HIP1: variants seen among roughly 807,000 people sequenced by gnomAD.
HIP1 encodes the protein huntingtin-interacting protein 1.
Under a neutral mutation model 147.6 loss-of-function variants are expected in HIP1, and 65 were observed. The ratio of observed to expected loss-of-function variants is 0.44; its 90% CI spans 0.36 to 0.54. The LOEUF (loss-of-function observed/expected upper bound fraction) is 0.54, where lower values mean the gene tolerates loss of function less well. HIP1 is among the 20% of genes least tolerant of loss of function. The pLI is 0.00. For synonymous variants in HIP1, 479 were observed against 504.0 expected (o/e 0.95, Z 0.67); for missense variants, 1,061 against 1,299.6 (o/e 0.82, Z 2.82).
rs587598008 is a variant in HIP1 at position 75,570,481 on chromosome 7, C to T, written c.746-2225G>A. 3.7e-4 allele frequency among the ~76,000 whole-genome samples: 55 copies of T among 150,180 alleles called. No individual in the cohort carries two copies. The East Asian group carries it at 5.7e-3, about 16-fold the overall frequency. Reference sequence around the variant, plus strand: ...TAATTTTTTGTATTTTTAGTAGAGACAGGGTTTCACCATGTTGGCCAGGAT... The same window carrying T: ...TAATTTTTTGTATTTTTAGTAGAGATAGGGTTTCACCATGTTGGCCAGGAT... On this transcript the variant is annotated intron_variant, in intron 8 of 30. Transcript: ENST00000336926.
At chr7:75,611,402 G>A (rs1489613524) in intron 1 of HIP1, among the ~76,000 whole-genome samples, 2 of 151,152 alleles carry the variant, frequency 1.3e-5, no homozygotes, top group Admixed American at 6.6e-5. Flanking sequence ...GGGAGGCGGA[G>A]GCTGCAGTGA....
chr7:75,545,697 G>C (rs1794534437), intron 25 of HIP1, among the ~76,000 whole-genome samples: 2 of 152,168 alleles, frequency 1.3e-5, no homozygotes, highest in Admixed American at 1.3e-4. Flanking sequence ...TGTAATCCCA[G>C]CACTTTGCGA....
At chr7:75,692,346 A>G (rs1800486418) in intron 1 of HIP1, among the ~76,000 whole-genome samples, 1 of 150,130 alleles carries the variant, frequency 6.7e-6, no homozygotes, top group Non-Finnish European at 1.5e-5. Context: ...GCAGCTTCCA[A>G]CTCCTGGGCT....
At chr7:75,596,018 C>A (rs1554501909) in intron 2 of HIP1, among the ~76,000 whole-genome samples, 1 of 152,098 alleles carries the variant, frequency 6.6e-6, no homozygotes, top group East Asian at 1.9e-4. Flanking sequence ...GGGAGGACTG[C>A]TTGAGCCTAG....
rs1800608806 is a variant in HIP1, at chr7:75,695,561, G to A, written c.120+43240C>T. Among the ~76,000 whole-genome samples the A allele has an allele frequency of 2.5e-5, 3 of 120,918 alleles. No individual in the cohort carries two copies. The South Asian group carries it at 7.8e-4, about 31-fold the overall frequency. The allele number at this position is 120,918 out of a possible 152,430, so 79.3% of individuals were successfully genotyped here. A position where few individuals can be genotyped will look rare whatever the true frequency, so the allele number is the denominator to read the frequency against. On this transcript the variant is annotated intron_variant, in intron 1 of 30. Transcript: ENST00000336926. ...CGATATTCAGAAGGGGTTGTGGAGC[G>A]GTACCAGTTTTTTTTGTTGTTGTCT...
At chr7:75,719,308 T>G (rs112329663) in intron 1 of HIP1, among the ~76,000 whole-genome samples, 18,503 of 151,722 alleles carry the variant, frequency 0.12, 1,300 homozygotes, top group East Asian at 0.15. Context: ...ATCAAAACCA[T>G]CCTGGCCAAC....
rs199983349 is a variant in HIP1, at chr7:75,643,207, TA to T, written c.121-43961del. Among the ~76,000 whole-genome samples the T allele has an allele frequency of 9.5e-4, 144 of 152,290 alleles. 2 individuals are homozygous for T. In the East Asian group the frequency reaches 0.025, roughly 27 times the overall value. ...TAATTCCCAGTAATGATATTTAAGA[TA>T]AAAAATATTGCTTATGAAAGGGCCT... On this transcript the variant is annotated intron_variant, in intron 1 of 30. Coordinates refer to ENST00000336926, the MANE Select transcript of HIP1 (RefSeq NM_005338.7).
At chr7:75,587,410 G>C (rs1796326057) in intron 4 of HIP1, among the ~76,000 whole-genome samples, 1 of 152,088 alleles carries the variant, frequency 6.6e-6, no homozygotes, top group Non-Finnish European at 1.5e-5. Flanking sequence ...ATGTAAAATA[G>C]AATCAATCTA....
In HIP1 at chr7:75,537,085, C is replaced by T. The variant is rs782596522; in HGVS notation, c.*1087G>A. On this transcript the variant is annotated 3_prime_UTR_variant, in exon 31 of 31. Coordinates refer to ENST00000336926, the MANE Select transcript of HIP1 (RefSeq NM_005338.7). Reference sequence around the variant, plus strand: ...CGTCTCTGGGCCAAGGGAGACGGCCCGCTTGACAGAGACCATTCACGGACA... The same window carrying T: ...CGTCTCTGGGCCAAGGGAGACGGCCTGCTTGACAGAGACCATTCACGGACA... The T allele has an allele frequency of 3.4e-5, 8 of 232,470 alleles. No individual in the cohort carries two copies. The highest frequency in any genetic ancestry group is 5.9e-5 in the Non-Finnish European group (7 of 117,680). 14.4% of individuals were successfully genotyped at this position (232,470 alleles called of 1,614,324 possible).
chr7:75,606,575 C>CAA (rs797037259), intron 1 of HIP1, among the ~76,000 whole-genome samples: 20 of 131,430 alleles, frequency 1.5e-4, no homozygotes, highest in African/African-American at 5.5e-4. Context: ...GACTCCGTCT[C>CAA]AAAAAAAAAA....
rs1794805244 is a variant in HIP1 at position 75,552,051 on chromosome 7, G to A, written c.2295+1402C>T. On this transcript the variant is annotated intron_variant, in intron 22 of 30. Coordinates refer to ENST00000336926, the MANE Select transcript of HIP1 (RefSeq NM_005338.7). ...ATTACAGGCGCCTACCATCACGCCTGGCTAATTTTTTGTACTTTTAGTAGA... is the reference window on the plus strand; with the variant it reads ...ATTACAGGCGCCTACCATCACGCCTAGCTAATTTTTTGTACTTTTAGTAGA... Among the ~76,000 whole-genome samples the A allele has an allele frequency of 2.0e-5, 3 of 152,032 alleles. No individual in the cohort carries two copies. In the South Asian group the frequency reaches 6.2e-4, roughly 32 times the overall value.
intron 22 of HIP1, among the ~76,000 whole-genome samples, chr7:75,553,063 C>T (rs1227586884): frequency 1.3e-5 from 2 of 152,028 alleles, no homozygotes; most frequent in Non-Finnish European, 1.5e-5. Flanking sequence ...CTCCACCTCC[C>T]AGTACCTGGG....
chr7:75,584,332 C>T (rs1398190989), intron 5 of HIP1, among the ~76,000 whole-genome samples: 1 of 152,140 alleles, frequency 6.6e-6, no homozygotes, highest in Admixed American at 6.6e-5. Flanking sequence ...CAAGCCTTGG[C>T]CTCCCCAAAT....
chr7:75,693,919 C>CTTTTTTTT lies in HIP1; in HGVS notation c.120+44874_120+44881dup, dbSNP rs10628011. 4.3e-4 allele frequency among the ~76,000 whole-genome samples: 49 copies of CTTTTTTTT among 114,874 alleles called. 3 individuals are homozygous for CTTTTTTTT. The highest frequency in any genetic ancestry group is 1.2e-3 in the African/African-American group (34 of 28,848). 75.4% of individuals were successfully genotyped at this position (114,874 alleles called of 152,430 possible). On this transcript the variant is annotated intron_variant, in intron 1 of 30. Coordinates refer to ENST00000336926, the MANE Select transcript of HIP1 (RefSeq NM_005338.7). ...GTTCAGAACTATCCAATTCTCTTTTCTTTTTTTTTTTTTTTTTTGAGATGG... is the reference window on the plus strand; with the variant it reads ...GTTCAGAACTATCCAATTCTCTTTTCTTTTTTTTTTTTTTTTTTTTTTTTTTGAGATGG...
intron 5 of HIP1, 22 bp downstream of exon 5, chr7:75,586,731 A>G: frequency 6.5e-7 from 1 of 1,534,106 alleles, no homozygotes; most frequent in Non-Finnish European, 9.0e-7. Flanking sequence ...CGGTGGCGGC[A>G]GAACTGTCCG....
intron 7 of HIP1, among the ~76,000 whole-genome samples, chr7:75,574,391 C>T (rs752503399): frequency 6.6e-5 from 10 of 150,976 alleles, no homozygotes; most frequent in Non-Finnish European, 1.0e-4. Flanking sequence ...GAGTTCGAGA[C>T]CAGCCTCTCC....
chr7:75,713,253 G>T (rs782115180), intron 1 of HIP1, among the ~76,000 whole-genome samples: 32 of 152,266 alleles, frequency 2.1e-4, no homozygotes, highest in African/African-American at 7.5e-4. Context: ...AGACCCTCTC[G>T]TTCAACACAC....
At chr7:75,586,549 C>T (rs587772821) in intron 5 of HIP1, among the ~76,000 whole-genome samples, 4 of 152,246 alleles carry the variant, frequency 2.6e-5, no homozygotes, top group East Asian at 1.9e-4. Flanking sequence ...GCAGAAGACA[C>T]GGGCCAAAAT....
At chr7:75,652,127 C>A (rs1221222271) in intron 1 of HIP1, among the ~76,000 whole-genome samples, 3 of 149,836 alleles carry the variant, frequency 2.0e-5, no homozygotes, top group Admixed American at 6.7e-5. Flanking sequence ...ACCAGCCTGG[C>A]CAACATGGTG....
Sources: allele counts gnomAD v4.1 joint callset (sites outside exome capture counted in the v4.1 genomes callset), GRCh38; gene constraint gnomAD v4.1.1; transcripts MANE v1.5; gene names NCBI Gene and HGNC (gene_info 2026-07-23, HGNC 2026-07-21).